The following ANKRD45 variants were observed in gnomAD, a reference collection of about 807,000 sequenced individuals.
ANKRD45 encodes ankyrin repeat domain-containing protein 45.
A neutral mutation model predicts 28.1 loss-of-function variants in ANKRD45; 21 were observed. The ratio of observed to expected loss-of-function variants is 0.75; its 90% CI spans 0.53 to 1.08. The LOEUF is 1.08. Ranked by LOEUF, ANKRD45 falls within the 50% of genes least tolerant of loss-of-function variation. The pLI is 0.00. For missense variants in ANKRD45, 261 were observed against 308.7 expected (o/e 0.85, Z 1.16); for synonymous variants, 86 against 103.9 (o/e 0.83, Z 1.05).
chr1:173,695,031 A>G, the ANKRD45 span, among the ~76,000 whole-genome samples: 1 of 152,168 alleles, frequency 6.6e-6, no homozygotes, highest in Non-Finnish European at 1.5e-5. Flanking sequence ...GGTAAAATTG[A>G]GAAATTTTAT....
chr1:173,644,918 G>A (rs1012365009), intron 3 of ANKRD45, among the ~76,000 whole-genome samples: 1 of 151,606 alleles, frequency 6.6e-6, no homozygotes, highest in Non-Finnish European at 1.5e-5. Context: ...ACTTGAACCC[G>A]GGAGGCATAG....
chr1:173,715,177 G>A, the ANKRD45 span: 21 of 152,518 alleles, frequency 1.4e-4, no homozygotes, highest in South Asian at 4.1e-4. Flanking sequence ...GCCCCATGGG[G>A]TCAGGTCGGT....
At chr1:173,668,620 T>C (rs911712814) in intron 1 of ANKRD45, among the ~76,000 whole-genome samples, 6 of 152,286 alleles carry the variant, frequency 3.9e-5, no homozygotes, top group African/African-American at 1.4e-4. Context: ...AATATTTGTA[T>C]ATAAGAGAAA....
intron 1 of ANKRD45, chr1:173,667,803 T>G (rs985189079): frequency 2.6e-6 from 1 of 391,996 alleles, no homozygotes; most frequent in Non-Finnish European, 4.9e-6. Context: ...TAAAATACTC[T>G]TCCCTTTTCC....
chr1:173,653,720 T>A (rs1669351480), intron 2 of ANKRD45, among the ~76,000 whole-genome samples: 1 of 152,098 alleles, frequency 6.6e-6, no homozygotes, highest in Non-Finnish European at 1.5e-5. Context: ...CCATTATTAT[T>A]GTTTGGGAGT....
intron 5 of ANKRD45, among the ~76,000 whole-genome samples, chr1:173,617,844 C>T (rs767623297): frequency 9.2e-5 from 14 of 152,306 alleles, no homozygotes; most frequent in South Asian, 4.1e-4. Flanking sequence ...CCTCCCAACA[C>T]GGGTCTTCAG....
chr1:173,613,174 T>A (rs1667256874), intron 5 of ANKRD45, among the ~76,000 whole-genome samples: 1 of 149,452 alleles, frequency 6.7e-6, no homozygotes, highest in East Asian at 2.0e-4. Context: ...GCCCATCGTC[T>A]GAGATGCGGG....
chr1:173,710,040 A>C, the ANKRD45 span, among the ~76,000 whole-genome samples: 1 of 152,014 alleles, frequency 6.6e-6, no homozygotes, highest in Non-Finnish European at 1.5e-5. Context: ...AAGAATAAAA[A>C]TTCGCTGGGT....
At chr1:173,713,213 C>T in the ANKRD45 span, among the ~76,000 whole-genome samples, 20 of 152,168 alleles carry the variant, frequency 1.3e-4, no homozygotes, top group African/African-American at 4.8e-4. Context: ...AGGATTTGTA[C>T]CTATGTGTAT....
At chr1:173,642,031 C>T (rs1455972753) in intron 3 of ANKRD45, among the ~76,000 whole-genome samples, 2 of 152,138 alleles carry the variant, frequency 1.3e-5, no homozygotes, top group Non-Finnish European at 2.9e-5. Context: ...GAGGTGTTTG[C>T]ATAATGATTG....
the ANKRD45 span, among the ~76,000 whole-genome samples, chr1:173,690,409 A>G: frequency 1.3e-5 from 2 of 152,044 alleles, no homozygotes; most frequent in Non-Finnish European, 2.9e-5. Flanking sequence ...TAGGCATGAG[A>G]GCTGGCTCCT....
the ANKRD45 span, among the ~76,000 whole-genome samples, chr1:173,713,225 C>T: frequency 3.9e-5 from 6 of 152,170 alleles, no homozygotes; most frequent in East Asian, 5.8e-4. Flanking sequence ...TATGTGTATC[C>T]GTGAAATCGC....
chr1:173,610,730 G>A (rs1418257723), intron 5 of ANKRD45, among the ~76,000 whole-genome samples: 1 of 152,006 alleles, frequency 6.6e-6, no homozygotes, highest in Non-Finnish European at 1.5e-5. Flanking sequence ...GCTGAGGCAG[G>A]AGGACTGTTT....
chr1:173,682,722 C>CACACACACACACACACAT, the ANKRD45 span, among the ~76,000 whole-genome samples: 16 of 148,800 alleles, frequency 1.1e-4, no homozygotes, highest in Middle Eastern at 3.4e-3. Flanking sequence ...CACACACACA[C>CACACACACACACACACAT]ATCTTGGATG....
chr1:173,636,902 C>T (rs1445955396), intron 3 of ANKRD45: 1 of 1,535,868 alleles, frequency 6.5e-7, no homozygotes, highest in East Asian at 2.4e-5. Flanking sequence ...TGACCAAACA[C>T]TCCACAGAGT....
chr1:173,637,138 T>C, intron 3 of ANKRD45: 1 of 888,724 alleles, frequency 1.1e-6, no homozygotes, highest in Non-Finnish European at 1.7e-6. Flanking sequence ...TTATAAACTT[T>C]TTGCCACAAT....
At chr1:173,637,017 A>G in intron 3 of ANKRD45, 2 of 1,530,260 alleles carry the variant, frequency 1.3e-6, no homozygotes, top group South Asian at 2.4e-5. Context: ...AGTAAAGAAG[A>G]AGGAGCCAGA....
chr1:173,662,971 A>C (rs942773827), intron 1 of ANKRD45, among the ~76,000 whole-genome samples: 2 of 151,656 alleles, frequency 1.3e-5, no homozygotes, highest in Admixed American at 6.6e-5. Flanking sequence ...GAGATGGTTT[A>C]GTTCAACTCT....
intron 3 of ANKRD45, among the ~76,000 whole-genome samples, chr1:173,630,818 T>TAAAAAAAAA: frequency 3.4e-5 from 1 of 29,066 alleles, no homozygotes; most frequent in South Asian, 1.6e-3. Context: ...AGACTCTGTC[T>TAAAAAAAAA]AAAAAAAAAA....
Sources: gnomAD v4.1 joint callset for allele counts (sites outside exome capture counted in the v4.1 genomes callset) on GRCh38, gnomAD v4.1.1 for gene constraint, MANE v1.5 for transcripts, NCBI Gene and HGNC (gene_info 2026-07-23, HGNC 2026-07-21) for gene names.